Variants in KIAA1549L observed in about 807,000 individuals in gnomAD.
KIAA1549L encodes KIAA1549 like.
Under a neutral mutation model 160.7 loss-of-function variants are expected in KIAA1549L, and 88 were observed. That is an observed-to-expected ratio of 0.55 (90% CI 0.46 to 0.65). The LOEUF is 0.65. KIAA1549L is among the 30% of genes least tolerant of loss of function. KIAA1549L has a pLI of 0.00. For missense variants in KIAA1549L, 2,258 were observed against 2,437.5 expected (o/e 0.93, Z 1.55); for synonymous variants, 950 against 976.7 (o/e 0.97, Z 0.51).
At position 33,668,418 on chromosome 11, in the gene KIAA1549L, G is replaced by A; in HGVS notation, c.*264G>A. The A allele has an allele frequency of 2.0e-6, 1 of 509,344 alleles. No individual in the cohort carries two copies. Among genetic ancestry groups the A allele is most frequent in the East Asian group, 3.3e-5 (1 of 30,754 alleles). 31.6% of individuals were successfully genotyped at this position (509,344 alleles called of 1,614,324 possible). A position where few individuals can be genotyped will look rare whatever the true frequency, so the allele number is the denominator to read the frequency against. On this transcript the variant is annotated 3_prime_UTR_variant, in exon 21 of 21. Transcript: ENST00000658780. ...CTCATGTCAAATGTTTGAACTTTGG[G>A]CATGTGCCCTATGGAAGCTTAGTCA...
chr11:33,539,829 T>G (rs1178862615), intron 1 of KIAA1549L, among the ~76,000 whole-genome samples: 4 of 152,200 alleles, frequency 2.6e-5, no homozygotes, highest in African/African-American at 9.6e-5. Context: ...AGTCCTCCCA[T>G]GGGCTTAGAA....
At chr11:33,636,055 T>C (rs1793442271) in intron 16 of KIAA1549L, among the ~76,000 whole-genome samples, 1 of 152,206 alleles carries the variant, frequency 6.6e-6, no homozygotes, top group South Asian at 2.1e-4. Flanking sequence ...AATCTTGCCT[T>C]TGTCCAGCTT....
Position 33,543,946 on chromosome 11 carries a change from G to A in KIAA1549L, c.2383G>A (p.Val795Ile). 1 of 1,613,982 alleles carries A rather than the reference G, an allele frequency of 6.2e-7. No homozygotes were observed. Among genetic ancestry groups the A allele is most frequent in the Non-Finnish European group, 8.5e-7 (1 of 1,179,884 alleles). Residue 795 changes from valine to isoleucine, a missense_variant, in exon 2 of 21, where the codon GTT (valine) becomes ATT (isoleucine). By Grantham distance (29) the Val-to-Ile change is conservative. Transcript: ENST00000658780. ...TGTGCAACAGTCAGACATGACCATG[G>A]TTGGAAGCCATATAGACCTCTGGCC... ...QPVQQSDMTMVGSHIDLWPTS... is the reference protein window; with the variant it reads ...QPVQQSDMTMIGSHIDLWPTS...
chr11:33,472,540 G>A (rs1565150750), intron 1 of KIAA1549L, among the ~76,000 whole-genome samples: 1 of 152,112 alleles, frequency 6.6e-6, no homozygotes, highest in Non-Finnish European at 1.5e-5. Context: ...CACATACCTA[G>A]CTAATATTGG....
At chr11:33,434,118 A>T (rs994538082) in intron 1 of KIAA1549L, among the ~76,000 whole-genome samples, 7 of 151,560 alleles carry the variant, frequency 4.6e-5, no homozygotes, top group African/African-American at 1.7e-4. Context: ...TCTTAGAAGG[A>T]TTCTTTAGGT....
chr11:33,580,721 C>T (rs1189231498), intron 10 of KIAA1549L, among the ~76,000 whole-genome samples: 1 of 152,066 alleles, frequency 6.6e-6, no homozygotes, highest in Non-Finnish European at 1.5e-5. Context: ...GCTCTGGGCA[C>T]TGGAGATAGA....
intron 1 of KIAA1549L, among the ~76,000 whole-genome samples, chr11:33,487,345 G>GT (rs1381462325): frequency 6.6e-6 from 1 of 151,954 alleles, no homozygotes; most frequent in African/African-American, 2.4e-5. Flanking sequence ...AGCCCACTAG[G>GT]TGGGGGGCAG....
At chr11:33,457,869 CAGG>C (rs1851862477) in intron 1 of KIAA1549L, among the ~76,000 whole-genome samples, 1 of 152,160 alleles carries the variant, frequency 6.6e-6, no homozygotes, top group African/African-American at 2.4e-5. Context: ...CTCCATGGGA[CAGG>C]AGATACGCAG....
intron 1 of KIAA1549L, among the ~76,000 whole-genome samples, chr11:33,454,713 G>T (rs1851786543): frequency 6.6e-6 from 1 of 152,118 alleles, no homozygotes; most frequent in Non-Finnish European, 1.5e-5. Context: ...CTAAAGCAGT[G>T]CCATTGTCAT....
chr11:33,575,667 G>A (rs1046895380), intron 10 of KIAA1549L, among the ~76,000 whole-genome samples: 4 of 152,192 alleles, frequency 2.6e-5, no homozygotes, highest in African/African-American at 9.7e-5. Context: ...TATATGACAC[G>A]TGAAGATTTC....
At chr11:33,606,205 G>A (rs747847469) in intron 13 of KIAA1549L, among the ~76,000 whole-genome samples, 5 of 152,180 alleles carry the variant, frequency 3.3e-5, no homozygotes, top group African/African-American at 1.2e-4. Context: ...ATCTTGTAAA[G>A]ATTGGTAGCA....
At chr11:33,596,440 T>G (rs530179592) in intron 12 of KIAA1549L, among the ~76,000 whole-genome samples, 1 of 152,222 alleles carries the variant, frequency 6.6e-6, no homozygotes, top group South Asian at 2.1e-4. Context: ...ATGAAAATGC[T>G]ACAAAAACCA....
intron 1 of KIAA1549L, among the ~76,000 whole-genome samples, chr11:33,495,381 G>T (rs926343915): frequency 1.3e-5 from 2 of 151,374 alleles, no homozygotes; most frequent in African/African-American, 4.9e-5. Context: ...GCGGTGTTTG[G>T]TTTTTTGTTC....
At chr11:33,652,370 T>A (rs1310291407) in intron 17 of KIAA1549L, among the ~76,000 whole-genome samples, 1 of 152,068 alleles carries the variant, frequency 6.6e-6, no homozygotes, top group African/African-American at 2.4e-5. Flanking sequence ...CCCTCTGTGT[T>A]TTGTGTGGCT....
Position 33,647,010 on chromosome 11 carries a change from G to A in KIAA1549L, c.5760+974G>A, listed in dbSNP as rs12294053. On this transcript the variant is annotated intron_variant, in intron 17 of 20. Coordinates refer to ENST00000658780, the MANE Select transcript of KIAA1549L (RefSeq NM_012194.3). ...TTTACAAATAAGAAAAATAAGCTAC[G>A]TCCTAGACTTGTAAAGATTAAATGA... 8.8e-3 allele frequency among the ~76,000 whole-genome samples: 1,342 copies of A among 152,170 alleles called. 15 individuals carry two copies. Among genetic ancestry groups the A allele is most frequent in the African/African-American group, 0.02 (848 of 41,516 alleles).
chr11:33,410,987 C>T (rs1234987162), intron 1 of KIAA1549L, among the ~76,000 whole-genome samples: 1 of 150,184 alleles, frequency 6.7e-6, no homozygotes, highest in Non-Finnish European at 1.5e-5. Context: ...CACACAAGGA[C>T]CAGTTTAGGG....
chr11:33,517,894 C>T (rs926923072), intron 1 of KIAA1549L, among the ~76,000 whole-genome samples: 13 of 152,000 alleles, frequency 8.6e-5, no homozygotes, highest in African/African-American at 2.9e-4. Flanking sequence ...GTAATCCTAG[C>T]ACTTTGGGAG....
At chr11:33,570,698 C>T (rs772182232) in intron 9 of KIAA1549L, among the ~76,000 whole-genome samples, 5 of 152,146 alleles carry the variant, frequency 3.3e-5, no homozygotes, top group Non-Finnish European at 5.9e-5. Context: ...GGAGATTTAA[C>T]TGTCTAGAAT....
At chr11:33,573,381 C>G (rs1332939031) in intron 9 of KIAA1549L, among the ~76,000 whole-genome samples, 1 of 152,140 alleles carries the variant, frequency 6.6e-6, no homozygotes, top group Admixed American at 6.5e-5. Context: ...ACGCCTGTAT[C>G]TCTAAATAGT....
Sources: allele counts gnomAD v4.1 joint callset (sites outside exome capture counted in the v4.1 genomes callset), GRCh38; gene constraint gnomAD v4.1.1; transcripts MANE v1.5; gene names NCBI Gene and HGNC (gene_info 2026-07-23, HGNC 2026-07-21).